ERBB4: variants seen among roughly 807,000 people sequenced by gnomAD.
ERBB4 encodes the protein erb-b2 receptor tyrosine kinase 4.
A neutral mutation model predicts 158.0 loss-of-function variants in ERBB4; 42 were observed. The ratio of observed to expected loss-of-function variants is 0.27; its 90% CI spans 0.21 to 0.34. ERBB4 has a LOEUF of 0.34. Ranked by LOEUF, ERBB4 falls within the 10% of genes least tolerant of loss-of-function variation. The pLI is 1.00. For synonymous variants in ERBB4, 583 were observed against 558.7 expected (o/e 1.04, Z -0.61); for missense variants, 1,333 against 1,624.1 (o/e 0.82, Z 3.08).
At chr2:212,172,878 T>C (rs1450532730) in intron 1 of ERBB4, among the ~76,000 whole-genome samples, 1 of 152,070 alleles carries the variant, frequency 6.6e-6, no homozygotes, top group Non-Finnish European at 1.5e-5. Flanking sequence ...CAGTAAACCA[T>C]TATGGCACAC....
intron 3 of ERBB4, among the ~76,000 whole-genome samples, chr2:211,866,317 T>G (rs180775521): frequency 1.3e-5 from 2 of 152,200 alleles, no homozygotes; most frequent in African/African-American, 2.4e-5. Context: ...TCTGAACTTA[T>G]GTCCTATCAC....
At chr2:212,303,188 C>A (rs1283114544) in intron 1 of ERBB4, among the ~76,000 whole-genome samples, 1 of 151,420 alleles carries the variant, frequency 6.6e-6, no homozygotes, top group Non-Finnish European at 1.5e-5. Flanking sequence ...GCAGGAAAAG[C>A]AGTGCCTTTC....
At chr2:211,644,580 C>A (rs961373676) in intron 16 of ERBB4, among the ~76,000 whole-genome samples, 2 of 151,934 alleles carry the variant, frequency 1.3e-5, no homozygotes, top group South Asian at 4.1e-4. Flanking sequence ...AAGGAAAAAA[C>A]CCACATCTAC....
chr2:212,171,270 G>A (rs1025658397), intron 1 of ERBB4, among the ~76,000 whole-genome samples: 3 of 151,904 alleles, frequency 2.0e-5, no homozygotes, highest in Non-Finnish European at 4.4e-5. Flanking sequence ...CATTTGGAAT[G>A]GGAACACTTA....
intron 20 of ERBB4, among the ~76,000 whole-genome samples, chr2:211,467,331 GTA>G (rs1559197599): frequency 6.6e-6 from 1 of 152,172 alleles, no homozygotes; most frequent in Non-Finnish European, 1.5e-5. Context: ...AGGAGCACTG[GTA>G]TCTGGTCTAT....
intron 13 of ERBB4, among the ~76,000 whole-genome samples, chr2:211,675,187 T>C (rs1380055857): frequency 6.7e-6 from 1 of 148,760 alleles, no homozygotes; most frequent in Non-Finnish European, 1.5e-5. Context: ...CAATTTATAG[T>C]CTATTAAGTA....
chr2:212,278,352 G>A (rs1226491566), intron 1 of ERBB4, among the ~76,000 whole-genome samples: 1 of 151,520 alleles, frequency 6.6e-6, no homozygotes, highest in Non-Finnish European at 1.5e-5. Context: ...ATTTCCTTTT[G>A]ACTTTATCAA....
Position 211,798,231 on chromosome 2 carries a change from A to T in ERBB4, c.422-10072T>A, listed in dbSNP as rs182176737. 6.3e-3 allele frequency among the ~76,000 whole-genome samples: 952 copies of T among 152,178 alleles called. 18 individuals are homozygous for T. The highest frequency in any genetic ancestry group is 0.048 in the Middle Eastern group (14 of 294). On this transcript the variant is annotated intron_variant, in intron 3 of 27. Transcript: ENST00000342788. ...CAAATTAGTTTTGCCTCTTTATTAA[A>T]TTCATAGAAATAGAATCACACAATA...
At chr2:212,380,609 G>A (rs1380728327) in intron 1 of ERBB4, among the ~76,000 whole-genome samples, 17 of 150,434 alleles carry the variant, frequency 1.1e-4, no homozygotes, top group Admixed American at 1.1e-3. Flanking sequence ...ATACACTTAA[G>A]TTATACTTAA....
intron 1 of ERBB4, among the ~76,000 whole-genome samples, chr2:212,137,083 G>C (rs572965638): frequency 1.3e-5 from 2 of 152,176 alleles, no homozygotes; most frequent in South Asian, 2.1e-4. Flanking sequence ...AATCTCCAGT[G>C]GGTTGGTCTC....
chr2:211,661,896 G>C (rs111273505), intron 15 of ERBB4, among the ~76,000 whole-genome samples: 2,061 of 149,038 alleles, frequency 0.014, 51 homozygotes, highest in African/African-American at 0.049. Flanking sequence ...AAAATTAGCC[G>C]GGCGTAGTGG....
chr2:212,489,034 T>A (rs1180877023), intron 1 of ERBB4, among the ~76,000 whole-genome samples: 1 of 150,544 alleles, frequency 6.6e-6, no homozygotes, highest in African/African-American at 2.4e-5. Flanking sequence ...GGTAGGCAAT[T>A]GATAAAAGTT....
chr2:212,317,196 C>A (rs986990075), intron 1 of ERBB4, among the ~76,000 whole-genome samples: 1 of 151,324 alleles, frequency 6.6e-6, no homozygotes, highest in African/African-American at 2.4e-5. Flanking sequence ...AATAGAAAAT[C>A]AGCATTTGCA....
chr2:211,661,911 C>T (rs555553449), intron 15 of ERBB4, among the ~76,000 whole-genome samples: 212 of 147,348 alleles, frequency 1.4e-3, no homozygotes, highest in Non-Finnish European at 2.4e-3. Context: ...TAGTGGCGGG[C>T]GCCTGTAGTC....
chr2:211,941,901 A>T (rs1038523777), intron 3 of ERBB4, among the ~76,000 whole-genome samples: 3 of 152,130 alleles, frequency 2.0e-5, no homozygotes, highest in Admixed American at 6.6e-5. Flanking sequence ...AATGTGAAAG[A>T]TGCTTTAATT....
At chr2:211,742,923 A>G (rs530362913) in intron 5 of ERBB4, among the ~76,000 whole-genome samples, 13 of 152,130 alleles carry the variant, frequency 8.5e-5, no homozygotes, top group African/African-American at 3.1e-4. Context: ...ATTACTTATG[A>G]TAGTCTAGGA....
At position 211,947,630 on chromosome 2, in the gene ERBB4, AAC is replaced by A; in HGVS notation, c.235-16_235-15del. 3 of 1,611,350 alleles carry A rather than the reference AAC, an allele frequency of 1.9e-6. No homozygotes were observed. The highest frequency in any genetic ancestry group is 2.5e-6 in the Non-Finnish European group (3 of 1,178,350). On this transcript the variant is annotated splice_polypyrimidine_tract_variant and intron_variant, in intron 2 of 27. Coordinates refer to ENST00000342788, the MANE Select transcript of ERBB4 (RefSeq NM_005235.3). ...TTCTCGAACAGACTGAAAAGACACA[AAC>A]AGTTGCCTGTGTTATAAAACGAATT...
intron 2 of ERBB4, among the ~76,000 whole-genome samples, chr2:211,980,417 G>C (rs1218753071): frequency 2.6e-5 from 4 of 152,258 alleles, no homozygotes; most frequent in South Asian, 2.1e-4. Flanking sequence ...TACTCTGAAT[G>C]AATCTTTTCT....
At position 211,926,880 on chromosome 2, in the gene ERBB4, G is replaced by C. The variant is rs148374941; in HGVS notation, c.421+20550C>G. Among the ~76,000 whole-genome samples the C allele has an allele frequency of 2.6e-3, 391 of 151,938 alleles. 6 individuals are homozygous for C. The highest frequency in any genetic ancestry group is 8.9e-3 in the African/African-American group (370 of 41,410). Reference sequence around the variant, plus strand: ...TTACTTCCTCAGTGACTGCTTAACTGTTTTATCCACTATCTCCTCAAAAGC... The same window carrying C: ...TTACTTCCTCAGTGACTGCTTAACTCTTTTATCCACTATCTCCTCAAAAGC... On this transcript the variant is annotated intron_variant, in intron 3 of 27. Coordinates refer to ENST00000342788, the MANE Select transcript of ERBB4 (RefSeq NM_005235.3).
Sources: gnomAD v4.1 joint callset for allele counts (sites outside exome capture counted in the v4.1 genomes callset) on GRCh38, gnomAD v4.1.1 for gene constraint, MANE v1.5 for transcripts, NCBI Gene and HGNC (gene_info 2026-07-23, HGNC 2026-07-21) for gene names.